Variants in TNNI3K observed in about 807,000 individuals in gnomAD.
TNNI3K encodes the protein serine/threonine-protein kinase TNNI3K.
Under a neutral mutation model 114.5 loss-of-function variants are expected in TNNI3K, and 140 were observed. The observed-to-expected ratio is 1.22, with a 90% CI of 1.07 to 1.41. TNNI3K has a LOEUF of 1.41. Ranked by LOEUF, TNNI3K falls within the 40% of genes most tolerant of loss-of-function variation. The pLI, the probability that TNNI3K is intolerant of heterozygous loss-of-function variation, is 0.00. For synonymous variants in TNNI3K, 347 were observed against 347.5 expected (o/e 1.00, Z 0.02); for missense variants, 1,125 against 1,007.6 (o/e 1.12, Z -1.58).
At chr1:74,453,980 T>C (rs1427747589) in intron 20 of TNNI3K, among the ~76,000 whole-genome samples, 2 of 152,210 alleles carry the variant, frequency 1.3e-5, no homozygotes, top group African/African-American at 4.8e-5. Context: ...GCTAACACCG[T>C]AGGGGCTAAA....
chr1:74,477,862 G>A (rs942584910), intron 21 of TNNI3K, among the ~76,000 whole-genome samples: 4 of 152,172 alleles, frequency 2.6e-5, no homozygotes, highest in Non-Finnish European at 5.9e-5. Flanking sequence ...CAATCTACCT[G>A]TGTTGGCAAG....
chr1:74,326,796 G>A (rs1294453031), intron 5 of TNNI3K, among the ~76,000 whole-genome samples: 2 of 151,998 alleles, frequency 1.3e-5, no homozygotes, highest in African/African-American at 2.4e-5. Flanking sequence ...GAAAGAGAAG[G>A]GAAGACATTC....
intron 23 of TNNI3K, among the ~76,000 whole-genome samples, 177 bp from the exon 24 acceptor site, chr1:74,540,057 A>T (rs1276892870): frequency 1.3e-5 from 2 of 152,184 alleles, no homozygotes; most frequent in Non-Finnish European, 2.9e-5. Flanking sequence ...ACACTTGGAT[A>T]TGACTTAAAC....
chr1:74,320,874 G>A (rs1375203051), intron 5 of TNNI3K, among the ~76,000 whole-genome samples: 1 of 152,144 alleles, frequency 6.6e-6, no homozygotes, highest in Non-Finnish European at 1.5e-5. Context: ...GAGAGGAACA[G>A]GTGAGTTGAG....
intron 21 of TNNI3K, among the ~76,000 whole-genome samples, chr1:74,473,426 C>T (rs2100742613): frequency 6.6e-6 from 1 of 152,152 alleles, no homozygotes; most frequent in Admixed American, 6.5e-5. Flanking sequence ...GAAATTTTTT[C>T]ATCCAGAGGA....
chr1:74,250,859 T>C, intron 4 of TNNI3K, 90 bp downstream of exon 4: 1 of 1,234,980 alleles, frequency 8.1e-7, no homozygotes, highest in Non-Finnish European at 1.1e-6. Flanking sequence ...AAATTAGTAA[T>C]CATGGAAAAT....
intron 20 of TNNI3K, among the ~76,000 whole-genome samples, chr1:74,454,767 A>G (rs570471306): frequency 6.6e-6 from 1 of 152,236 alleles, no homozygotes; most frequent in South Asian, 2.1e-4. Context: ...TGGTAGTACA[A>G]TTGTTAGTTT....
Position 74,291,305 on chromosome 1 carries a change from C to A in TNNI3K, c.444+19597C>A, listed in dbSNP as rs575108698. On this transcript the variant is annotated intron_variant, in intron 5 of 24. Coordinates refer to ENST00000326637, the MANE Select transcript of TNNI3K (RefSeq NM_015978.3). ...TTCTTGAACTTTATGTAAATGAAAT[C>A]AAAGGCATATTTTTGTGACTTTATT... Among the ~76,000 whole-genome samples, 11 of 151,572 alleles carry A rather than the reference C, an allele frequency of 7.3e-5. No individual in the cohort carries two copies. In the South Asian group the frequency reaches 2.3e-3, roughly 31 times the overall value.
At chr1:74,540,537 G>A (rs1646713978) in intron 24 of TNNI3K, among the ~76,000 whole-genome samples, 1 of 151,440 alleles carries the variant, frequency 6.6e-6, no homozygotes. Flanking sequence ...GAGTGTGTAA[G>A]TATATGTGTG....
chr1:74,341,372 G>A (rs1034274680), intron 7 of TNNI3K, among the ~76,000 whole-genome samples: 1 of 152,156 alleles, frequency 6.6e-6, no homozygotes, highest in African/African-American at 2.4e-5. Context: ...CATCATGCTA[G>A]ATAGACGCTT....
chr1:74,438,856 C>G (rs562360707), intron 19 of TNNI3K, among the ~76,000 whole-genome samples: 1 of 152,142 alleles, frequency 6.6e-6, no homozygotes, highest in African/African-American at 2.4e-5. Context: ...ATTGCACAAA[C>G]AGCATTCATA....
At chr1:74,282,586 A>G (rs1657082396) in intron 5 of TNNI3K, among the ~76,000 whole-genome samples, 2 of 152,232 alleles carry the variant, frequency 1.3e-5, no homozygotes, top group South Asian at 4.1e-4. Flanking sequence ...AAATAGTCAC[A>G]TCCTGAGGTA....
At chr1:74,369,725 C>A in intron 16 of TNNI3K, 140 bp downstream of exon 16, 1 of 960,670 alleles carries the variant, frequency 1.0e-6, no homozygotes, top group Non-Finnish European at 1.4e-6. Flanking sequence ...TTTAATATCG[C>A]TAATAATTTA....
chr1:74,286,435 A>G (rs147403385), intron 5 of TNNI3K, among the ~76,000 whole-genome samples: 2,139 of 152,124 alleles, frequency 0.014, 55 homozygotes, highest in African/African-American at 0.05. Context: ...GAAGGCCCCC[A>G]TAAGTCAGGC....
chr1:74,529,973 T>C (rs1032256071), intron 23 of TNNI3K, among the ~76,000 whole-genome samples: 1 of 152,148 alleles, frequency 6.6e-6, no homozygotes. Flanking sequence ...TGGGTTTTTT[T>C]CCTTGTTTTG....
chr1:74,410,871 A>C (rs528030770), intron 17 of TNNI3K, among the ~76,000 whole-genome samples: 1 of 152,334 alleles, frequency 6.6e-6, no homozygotes, highest in African/African-American at 2.4e-5. Context: ...TCTCACCAAG[A>C]GTTTCAAACA....
At chr1:74,447,368 T>A (rs866010650) in intron 20 of TNNI3K, among the ~76,000 whole-genome samples, 1 of 149,952 alleles carries the variant, frequency 6.7e-6, no homozygotes, top group African/African-American at 2.5e-5. Flanking sequence ...ATAAGAATGC[T>A]TGTGATTTTT....
chr1:74,238,758 A>G (rs1654014226), intron 2 of TNNI3K, among the ~76,000 whole-genome samples: 1 of 152,044 alleles, frequency 6.6e-6, no homozygotes, highest in African/African-American at 2.4e-5. Flanking sequence ...CCTGATGCTG[A>G]TGACATTAAA....
intron 17 of TNNI3K, chr1:74,373,338 A>G (rs1489800298): frequency 6.6e-6 from 1 of 151,902 alleles, no homozygotes; most frequent in Non-Finnish European, 1.5e-5. Context: ...ATCTTTTCTC[A>G]GGCTTTTCAC....
Sources: allele counts gnomAD v4.1 joint callset (sites outside exome capture counted in the v4.1 genomes callset), GRCh38; gene constraint gnomAD v4.1.1; transcripts MANE v1.5; gene names NCBI Gene and HGNC (gene_info 2026-07-23, HGNC 2026-07-21).